Variants in UNC5D observed in about 807,000 individuals in gnomAD.
UNC5D encodes the protein unc-5 netrin receptor D.
Under a neutral mutation model 105.4 loss-of-function variants are expected in UNC5D, and 39 were observed. The ratio of observed to expected loss-of-function variants is 0.37; its 90% confidence interval spans 0.29 to 0.48. The LOEUF is 0.48. Among genes scored for constraint, UNC5D ranks in the 20% least tolerant of loss-of-function variants. The pLI is 0.98. For synonymous variants in UNC5D, 452 were observed against 450.4 expected (o/e 1.00, Z -0.04); for missense variants, 991 against 1,202.4 (o/e 0.82, Z 2.60).
At chr8:35,544,344 A>G in intron 1 of UNC5D, 1 of 1,548,836 alleles carries the variant, frequency 6.5e-7, no homozygotes. Flanking sequence ...CAGCTGTATC[A>G]GTGAGGAACG....
intron 1 of UNC5D, among the ~76,000 whole-genome samples, chr8:35,431,591 C>G (rs1173953143): frequency 2.0e-5 from 3 of 152,046 alleles, no homozygotes; most frequent in Non-Finnish European, 4.4e-5. Flanking sequence ...AAAAACTCTG[C>G]AACTACAATA....
intron 1 of UNC5D, among the ~76,000 whole-genome samples, chr8:35,498,381 G>A (rs1337724610): frequency 6.6e-6 from 1 of 152,062 alleles, no homozygotes. Context: ...AGAGAGATAT[G>A]TGCAATGTAA....
chr8:35,684,015 T>A (rs1453311016), intron 5 of UNC5D, among the ~76,000 whole-genome samples: 2 of 152,204 alleles, frequency 1.3e-5, no homozygotes, highest in African/African-American at 2.4e-5. Flanking sequence ...ATGTTTATAT[T>A]TGAAAAGAAT....
chr8:35,366,012 A>T (rs555128953), intron 1 of UNC5D, among the ~76,000 whole-genome samples: 1 of 152,264 alleles, frequency 6.6e-6, no homozygotes, highest in South Asian at 2.1e-4. Context: ...AAGTCACTGA[A>T]ACAAATTATA....
chr8:35,539,908 G>T (rs1433313705), intron 1 of UNC5D, among the ~76,000 whole-genome samples: 1 of 152,150 alleles, frequency 6.6e-6, no homozygotes, highest in African/African-American at 2.4e-5. Flanking sequence ...AATACTTGCT[G>T]TATTAGTGTG....
chr8:35,492,463 T>C (rs1563469569), intron 1 of UNC5D, among the ~76,000 whole-genome samples: 1 of 152,124 alleles, frequency 6.6e-6, no homozygotes, highest in Non-Finnish European at 1.5e-5. Context: ...CCATCAGTGA[T>C]TGAGAACTTG....
intron 1 of UNC5D, among the ~76,000 whole-genome samples, chr8:35,470,530 A>G (rs866878208): frequency 1.3e-4 from 20 of 149,176 alleles, no homozygotes; most frequent in African/African-American, 4.9e-4. Flanking sequence ...CTGAGGTGGG[A>G]TGATCACCTG....
At chr8:35,624,632 C>A (rs1210449275) in intron 4 of UNC5D, among the ~76,000 whole-genome samples, 4 of 152,180 alleles carry the variant, frequency 2.6e-5, no homozygotes, top group Non-Finnish European at 5.9e-5. Flanking sequence ...ATACCTCTGT[C>A]TTGTCCTAAG....
chr8:35,622,849 ACTTAGCCTGTAATAG>A (rs1164351965), intron 4 of UNC5D, among the ~76,000 whole-genome samples: 2 of 152,098 alleles, frequency 1.3e-5, no homozygotes, highest in Non-Finnish European at 2.9e-5. Flanking sequence ...TACCTATCCT[ACTTAGCCTGTAATAG>A]CTCATCCTAT....
intron 4 of UNC5D, among the ~76,000 whole-genome samples, chr8:35,598,607 T>C (rs1473499409): frequency 6.6e-6 from 1 of 152,194 alleles, no homozygotes; most frequent in African/African-American, 2.4e-5. Flanking sequence ...CCCATGTTCA[T>C]TGCAGCACTG....
chr8:35,455,459 A>G (rs1273682979), intron 1 of UNC5D, among the ~76,000 whole-genome samples: 2 of 151,816 alleles, frequency 1.3e-5, no homozygotes, highest in African/African-American at 4.8e-5. Context: ...CTGTATTCTT[A>G]GTAGAGACGG....
chr8:35,269,826 T>G (rs1585456743), intron 1 of UNC5D, among the ~76,000 whole-genome samples: 1 of 152,122 alleles, frequency 6.6e-6, no homozygotes. Flanking sequence ...AAGCAGTGAG[T>G]CCAAGGTCAC....
At chr8:35,452,691 A>G (rs1041795442) in intron 1 of UNC5D, among the ~76,000 whole-genome samples, 2 of 152,222 alleles carry the variant, frequency 1.3e-5, no homozygotes, top group African/African-American at 4.8e-5. Context: ...TTAAAGCACG[A>G]AAACAGTGTT....
chr8:35,737,560 T>C (rs922386230), intron 11 of UNC5D, among the ~76,000 whole-genome samples: 1 of 152,054 alleles, frequency 6.6e-6, no homozygotes, highest in African/African-American at 2.4e-5. Flanking sequence ...AAAAAATGAC[T>C]GTTGAATTGA....
intron 1 of UNC5D, among the ~76,000 whole-genome samples, chr8:35,368,563 A>C (rs1376832653): frequency 6.6e-6 from 1 of 150,412 alleles, no homozygotes; most frequent in Non-Finnish European, 1.5e-5. Flanking sequence ...AATTTAAGAT[A>C]ATATAGATAA....
Position 35,398,646 on chromosome 8 carries a change from G to A in UNC5D, c.104-150646G>A, listed in dbSNP as rs559624402. Reference sequence around the variant, plus strand: ...TTAAATTCCTGGGTTTATCTTTCAGGTGTCTTTACTGAATACATAAGGAAT... The same window carrying A: ...TTAAATTCCTGGGTTTATCTTTCAGATGTCTTTACTGAATACATAAGGAAT... On this transcript the variant is annotated intron_variant, in intron 1 of 16. Transcript: ENST00000404895. 2.6e-5 allele frequency among the ~76,000 whole-genome samples: 4 copies of A among 152,064 alleles called. No homozygotes were observed. In the South Asian group the frequency reaches 8.3e-4, roughly 31 times the overall value.
At chr8:35,668,275 T>G (rs550064172) in intron 4 of UNC5D, among the ~76,000 whole-genome samples, 1 of 152,270 alleles carries the variant, frequency 6.6e-6, no homozygotes, top group African/African-American at 2.4e-5. Flanking sequence ...TATTGATTTT[T>G]GGGTGCTTTT....
chr8:35,526,051 G>A (rs962909002), intron 1 of UNC5D, among the ~76,000 whole-genome samples: 1 of 152,144 alleles, frequency 6.6e-6, no homozygotes, highest in Non-Finnish European at 1.5e-5. Context: ...GCCCAGCAGT[G>A]AAATCATTCT....
intron 4 of UNC5D, among the ~76,000 whole-genome samples, chr8:35,603,397 T>G (rs1015558892): frequency 1.3e-5 from 2 of 152,196 alleles, no homozygotes; most frequent in East Asian, 1.9e-4. Flanking sequence ...ATTGCACTGT[T>G]ATCTGAGAGA....
Sources: gnomAD v4.1 joint callset for allele counts (sites outside exome capture counted in the v4.1 genomes callset) on GRCh38, gnomAD v4.1.1 for gene constraint, MANE v1.5 for transcripts, NCBI Gene and HGNC (gene_info 2026-07-23, HGNC 2026-07-21) for gene names.